Variants in PPP1R12C observed in about 807,000 individuals in gnomAD.
The protein encoded by PPP1R12C is protein phosphatase 1 regulatory subunit 12C.
In PPP1R12C, 48 loss-of-function variants were observed where a neutral mutation model predicts 95.6. The observed-to-expected ratio is 0.50, with a 90% CI of 0.40 to 0.64. The LOEUF (loss-of-function observed/expected upper bound fraction) is 0.64. PPP1R12C is among the 30% of genes least tolerant of loss of function. The pLI is 0.00. For missense variants in PPP1R12C, 1,057 were observed against 1,083.3 expected, an observed-to-expected ratio of 0.98 and a Z score of 0.34; for synonymous variants, 480 against 460.8, an observed-to-expected ratio of 1.04 and a Z score of -0.53.
chr19:55,095,667 GC>G (rs2084902890), intron 9 of PPP1R12C, 64 bp from the exon 10 acceptor site: 5 of 1,505,044 alleles, frequency 3.3e-6, no homozygotes, highest in Non-Finnish European at 4.5e-6. Flanking sequence ...TCAAGGGTTA[GC>G]CCCCAAAGGA....
chr19:55,106,943 G>A (rs2085044889), intron 3 of PPP1R12C, among the ~76,000 whole-genome samples: 2 of 152,122 alleles, frequency 1.3e-5, no homozygotes, highest in Admixed American at 1.3e-4. Context: ...CTGTGATATG[G>A]GCCTGCAGTA....
In PPP1R12C at chr19:55,095,602, T is replaced by A. The variant is rs1177077828; in HGVS notation, c.1229A>T (p.Gln410Leu). Residue 410 changes from glutamine (Q) to leucine (L), a missense_variant and splice_region_variant, in exon 10 of 22, where the codon CAG (glutamine) becomes CTG (leucine). Transcript: ENST00000263433. ...PPHPSPKSPV[Q>L]LEEAPFSRRF... Reference sequence around the variant, plus strand: ...CCTGGAGAAGGGGGCCTCTTCAAGCTGCTGGGAGAAGGAGGAGGTCTCAGT... The same window carrying A: ...CCTGGAGAAGGGGGCCTCTTCAAGCAGCTGGGAGAAGGAGGAGGTCTCAGT... 1 of 1,557,150 alleles carries A rather than the reference T, an allele frequency of 6.4e-7. No homozygotes were observed. The highest frequency in any genetic ancestry group is 8.6e-7 in the Non-Finnish European group (1 of 1,156,200).
chr19:55,112,700 G>A lies in PPP1R12C; in HGVS notation c.417C>T (p.His139=), dbSNP rs144131772. The change falls in exon 2 of 22, where the codon CAC becomes CAT. Residue 139 remains histidine (H), a synonymous_variant. Transcript: ENST00000263433. ...QADNEGWTPL[H]VAASCGYLDI... ...CTAGGTAGCCACAGGAGGCGGCCAC[G>A]TGCAGTGGCGTCCAGCCCTCGTTGT... 68 of 1,613,850 alleles carry A rather than the reference G, an allele frequency of 4.2e-5. No homozygotes were observed. Among genetic ancestry groups the A allele is most frequent in the Middle Eastern group, 1.6e-4 (1 of 6,062 alleles).
At chr19:55,101,243 T>C (rs1490347516) in intron 4 of PPP1R12C, among the ~76,000 whole-genome samples, 2 of 151,970 alleles carry the variant, frequency 1.3e-5, no homozygotes, top group Non-Finnish European at 2.9e-5. Flanking sequence ...CGAGACTCCA[T>C]CTCAAAAGTA....
At position 55,092,681 on chromosome 19, in the gene PPP1R12C, G is replaced by A. The variant is rs762207135; in HGVS notation, c.1912-19C>T. On this transcript the variant is annotated intron_variant, in intron 16 of 21. Coordinates refer to ENST00000263433, the MANE Select transcript of PPP1R12C (RefSeq NM_017607.4). ...CCTCCCCCTGTGGGCAGGTAGACGG[G>A]GGTTCAATGGGTATGGGAGGGACTT... The A allele has an allele frequency of 2.6e-6, 4 of 1,525,120 alleles. No individual in the cohort carries two copies. Among genetic ancestry groups the A allele is most frequent in the South Asian group, 1.3e-5 (1 of 77,516 alleles). The allele number at this position is 1,525,120 out of a possible 1,614,324, so 94.5% of individuals were successfully genotyped here.
In PPP1R12C at chr19:55,092,868, G is replaced by A. The variant is rs1157297987; in HGVS notation, c.1826C>T (p.Ala609Val). Reference sequence around the variant, plus strand: ...CGGACCCTGCCCGTCGGGCGCCTCTGCTGGGGGAGGGGCAGGAATCAGCCC... The same window carrying A: ...CGGACCCTGCCCGTCGGGCGCCTCTACTGGGGGAGGGGCAGGAATCAGCCC... Reference protein sequence around the residue: ...VENSDSPAQRAEAPDGQGPGP... With the variant: ...VENSDSPAQRVEAPDGQGPGP... Residue 609 changes from alanine (A) to valine (V), a missense_variant and splice_region_variant, in exon 16 of 22, where the codon GCA becomes GTA. Physicochemically the swap from Ala to Val is moderately conservative, Grantham distance 64 (BLOSUM62 0). Transcript: ENST00000263433. 6.3e-7 allele frequency: 1 copy of A among 1,593,772 alleles called. No homozygotes were observed. The highest frequency in any genetic ancestry group is 8.5e-7 in the Non-Finnish European group (1 of 1,170,924).
chr19:55,091,967 G>T, intron 19 of PPP1R12C, 58 bp from the exon 20 acceptor site: 1 of 1,592,630 alleles, frequency 6.3e-7, no homozygotes, highest in African/African-American at 1.3e-5. Flanking sequence ...TGCTCTGAAG[G>T]GTCCTAGGCT....
chr19:55,094,782 G>C lies in PPP1R12C; in HGVS notation c.1471C>G (p.Pro491Ala). Residue 491 changes from proline (P) to alanine (A), a missense_variant, in exon 12 of 22, where the codon CCT (proline) becomes GCT (alanine). This residue lies in a region of PPP1R12C where 356 missense variants were observed against 330.5 expected (regional missense o/e 1.08). Transcript: ENST00000263433. ...GAGGAGTTCTCCAAGCAAGGAGGAG[G>C]CTTGGTGACCTCAGACCTGCATCAA... ...EPSVLSEVTKPPPCLENSSPP... is the reference protein window; with the variant it reads ...EPSVLSEVTKAPPCLENSSPP... The C allele has an allele frequency of 6.3e-7, 1 of 1,599,700 alleles. No individual in the cohort carries two copies. Among genetic ancestry groups the C allele is most frequent in the Middle Eastern group, 1.7e-4 (1 of 6,038 alleles).
intron 1 of PPP1R12C, among the ~76,000 whole-genome samples, chr19:55,116,617 G>A (rs1396530426): frequency 1.3e-5 from 2 of 152,206 alleles, no homozygotes; most frequent in Non-Finnish European, 2.9e-5. Flanking sequence ...CGGCGCAGAA[G>A]CCAGTAGAGC....
chr19:55,108,863 C>A (rs750434382), intron 3 of PPP1R12C, among the ~76,000 whole-genome samples: 7 of 152,120 alleles, frequency 4.6e-5, no homozygotes, highest in Non-Finnish European at 1.0e-4. Flanking sequence ...TGTGCCACCA[C>A]CCCTGGCTAA....
rs73935110 is a variant in PPP1R12C, at chr19:55,110,201, G to A, written c.571+2266C>T. 3.7e-3 allele frequency among the ~76,000 whole-genome samples: 560 copies of A among 152,312 alleles called. 8 individuals carry two copies. The highest frequency in any genetic ancestry group is 0.013 in the African/African-American group (520 of 41,564). On this transcript the variant is annotated intron_variant, in intron 3 of 21. Coordinates refer to ENST00000263433, the MANE Select transcript of PPP1R12C (RefSeq NM_017607.4). Reference sequence around the variant, plus strand: ...AGGGAGCCTAAATCACCCAGATCTGGATCCCTAGCTGGGCCCTGAACCAGA... The same window carrying A: ...AGGGAGCCTAAATCACCCAGATCTGAATCCCTAGCTGGGCCCTGAACCAGA...
At chr19:55,092,953 A>C (rs1254012039) in intron 15 of PPP1R12C, 63 bp downstream of exon 15, 13 of 1,574,692 alleles carry the variant, frequency 8.3e-6, no homozygotes, top group Admixed American at 5.5e-5. Context: ...CCAGGAAAGC[A>C]AGAAGACTAT....
intron 9 of PPP1R12C, 85 bp downstream of exon 9, chr19:55,095,782 G>T: frequency 6.5e-7 from 1 of 1,544,900 alleles, no homozygotes; most frequent in Non-Finnish European, 8.9e-7. Flanking sequence ...CCCCCTATCT[G>T]CCCCTGCCAG....
rs536587118 is a variant in PPP1R12C at position 55,107,717 on chromosome 19, C to T, written c.572-4149G>A. ...GCCTGTCGTGGGGTGGGGGGAGGGA[C>T]AGCATTAGGAGATATACCTAATGTA... is the stretch of plus-strand genomic sequence containing the variant. On this transcript the variant is annotated intron_variant, in intron 3 of 21. Coordinates refer to ENST00000263433, the MANE Select transcript of PPP1R12C (RefSeq NM_017607.4). Among the ~76,000 whole-genome samples, 175 of 148,032 alleles carry T rather than the reference C, an allele frequency of 1.2e-3. 5 individuals are homozygous for T. The East Asian group carries it at 0.032, about 27-fold the overall frequency.
At chr19:55,099,743 C>T (rs1057057602) in intron 4 of PPP1R12C, among the ~76,000 whole-genome samples, 1 of 152,226 alleles carries the variant, frequency 6.6e-6, no homozygotes, top group Non-Finnish European at 1.5e-5. Flanking sequence ...GCTGAGAAAC[C>T]CTCACCCGAG....
chr19:55,108,604 G>T (rs2085063367), intron 3 of PPP1R12C, among the ~76,000 whole-genome samples: 1 of 152,182 alleles, frequency 6.6e-6, no homozygotes, highest in East Asian at 1.9e-4. Context: ...TCACAGACGT[G>T]GAATCAGACA....
chr19:55,092,376 G>T, intron 18 of PPP1R12C, 50 bp from the exon 19 acceptor site: 1 of 1,568,696 alleles, frequency 6.4e-7, no homozygotes. Flanking sequence ...CGATGCTGGG[G>T]GGGCGGGGAA....
intron 19 of PPP1R12C, 28 bp from the exon 20 acceptor site, chr19:55,091,937 TCAG>T: frequency 4.3e-6 from 7 of 1,611,902 alleles, no homozygotes; most frequent in Middle Eastern, 1.7e-4. Flanking sequence ...AGCACAGGGG[TCAG>T]CAGAAGAAGC....
At chr19:55,113,414 G>C (rs1266511789) in intron 1 of PPP1R12C, 3 of 1,494,434 alleles carry the variant, frequency 2.0e-6, no homozygotes, top group Non-Finnish European at 2.7e-6. Context: ...GCCCCAGGCT[G>C]TCACACTCCA....
Sources: gnomAD v4.1 joint callset for allele counts (sites outside exome capture counted in the v4.1 genomes callset) on GRCh38, gnomAD v4.1.1 for gene constraint, gnomAD v4.1.1 regional missense constraint, MANE v1.5 for transcripts, NCBI Gene and HGNC (gene_info 2026-07-23, HGNC 2026-07-21) for gene names.